Variants in TTC23 observed in about 807,000 individuals in gnomAD.
TTC23 encodes tetratricopeptide repeat protein 23.
Under a neutral mutation model 55.1 loss-of-function variants are expected in TTC23, and 58 were observed. That is an observed-to-expected ratio of 1.05 (90% CI 0.85 to 1.31). The LOEUF is 1.31. Among genes scored for constraint, TTC23 ranks in the 50% most tolerant of loss-of-function variants. The pLI is 0.00. For synonymous variants in TTC23, 203 were observed against 199.9 expected (o/e 1.02, Z -0.13); for missense variants, 516 against 534.4 (o/e 0.97, Z 0.34).
chr15:99,197,908 A>C (rs1402882896), intron 9 of TTC23, among the ~76,000 whole-genome samples: 2 of 151,604 alleles, frequency 1.3e-5, no homozygotes, highest in Admixed American at 6.6e-5. Flanking sequence ...GCTCAAACAA[A>C]AAAAAAAAAG....
chr15:99,182,812 A>G (rs2151948445), intron 9 of TTC23, among the ~76,000 whole-genome samples: 1 of 145,924 alleles, frequency 6.9e-6, no homozygotes, highest in African/African-American at 2.5e-5. Flanking sequence ...ATTTTTTAAA[A>G]AAAGTAGTTA....
chr15:99,178,371 G>T (rs192834730), intron 9 of TTC23, among the ~76,000 whole-genome samples: 3 of 152,078 alleles, frequency 2.0e-5, no homozygotes, highest in Non-Finnish European at 4.4e-5. Flanking sequence ...TAAACCATAT[G>T]CTAGAGGGAA....
At chr15:99,148,609 C>A (rs1383440502) in intron 12 of TTC23, 1 of 152,116 alleles carries the variant, frequency 6.6e-6, no homozygotes, top group Non-Finnish European at 1.5e-5. Flanking sequence ...CAGATGATGA[C>A]TGGACCCAAA....
intron 9 of TTC23, among the ~76,000 whole-genome samples, chr15:99,196,848 C>T (rs527365654): frequency 6.6e-6 from 1 of 152,322 alleles, no homozygotes; most frequent in South Asian, 2.1e-4. Context: ...AGCTCAAATT[C>T]CTTAAGATGA....
At chr15:99,164,071 T>C (rs1426209000) in intron 10 of TTC23, among the ~76,000 whole-genome samples, 1 of 152,216 alleles carries the variant, frequency 6.6e-6, no homozygotes, top group African/African-American at 2.4e-5. Flanking sequence ...ATATATGTAG[T>C]CTGAATGTGT....
chr15:99,172,061 A>C (rs1046817323), intron 10 of TTC23, among the ~76,000 whole-genome samples: 1 of 149,894 alleles, frequency 6.7e-6, no homozygotes, highest in African/African-American at 2.5e-5. Flanking sequence ...TGTGTTGCCC[A>C]GGCTGGAGTG....
At chr15:99,210,964 A>T (rs2076990935) in intron 8 of TTC23, among the ~76,000 whole-genome samples, 2 of 152,186 alleles carry the variant, frequency 1.3e-5, no homozygotes, top group Non-Finnish European at 2.9e-5. Context: ...TTAAGGGAGA[A>T]ATCTTCCCCA....
chr15:99,195,579 G>A (rs2075625590), intron 9 of TTC23, among the ~76,000 whole-genome samples: 1 of 152,176 alleles, frequency 6.6e-6, no homozygotes, highest in South Asian at 2.1e-4. Flanking sequence ...TAGGGGGAAG[G>A]AGAGATGAAT....
At chr15:99,141,201 T>C (rs912638073) in intron 12 of TTC23, among the ~76,000 whole-genome samples, 9 of 152,224 alleles carry the variant, frequency 5.9e-5, no homozygotes, top group African/African-American at 1.7e-4. Flanking sequence ...TAAACTGTGA[T>C]ATGTATATAT....
In TTC23 at chr15:99,241,374, C is replaced by G. The variant is rs557904022; in HGVS notation, c.-123G>C. On this transcript the variant is annotated 5_prime_UTR_variant, in exon 3 of 14. The change abolishes an upstream ATG in the 5' untranslated region. Transcript: ENST00000394132. ...TTCTCAGTTCACTTACTTTGAGTTA[C>G]ATGCTTATCATCAGCCACTTTTCTT... 1 of 152,628 alleles carries G rather than the reference C, an allele frequency of 6.6e-6. No homozygotes were observed. Among genetic ancestry groups the G allele is most frequent in the South Asian group, 2.1e-4 (1 of 4,846 alleles). The allele number at this position is 152,628 out of a possible 1,614,324, so 9.5% of individuals were successfully genotyped here.
chr15:99,151,407 G>A (rs535093055), intron 12 of TTC23: 2 of 152,226 alleles, frequency 1.3e-5, no homozygotes, highest in Admixed American at 1.3e-4. Context: ...AAAAGGCACA[G>A]GGACAGAAAG....
At chr15:99,211,266 T>G (rs955961508) in intron 8 of TTC23, among the ~76,000 whole-genome samples, 2 of 152,076 alleles carry the variant, frequency 1.3e-5, no homozygotes, top group East Asian at 3.9e-4. Flanking sequence ...TCCCAGCTAC[T>G]TGGGAGGCTG....
rs1239655165 is a variant in TTC23 at position 99,218,689 on chromosome 15, C to T, written c.480G>A (p.Leu160=). 9.3e-6 allele frequency: 15 copies of T among 1,614,132 alleles called. No individual in the cohort carries two copies. The highest frequency in any genetic ancestry group is 1.3e-5 in the Non-Finnish European group (15 of 1,180,030). Residue 160 remains leucine, a synonymous_variant, in exon 8 of 14, where the codon TTG becomes TTA. Coordinates refer to ENST00000394132, the MANE Select transcript of TTC23 (RefSeq NM_001288615.3). ...CCTTTGAAAGTCTCTCTGCTTTTGT[C>T]AAATTCTCTGCAGCTTCCTTAAATC... ...LQKFKEAAEN[L]TKAERLSKEL...
chr15:99,245,179 A>G (rs554885686), intron 2 of TTC23, among the ~76,000 whole-genome samples: 3 of 152,304 alleles, frequency 2.0e-5, no homozygotes, highest in Admixed American at 6.5e-5. Context: ...GCTGGGGAAA[A>G]GCCCTCCCCA....
At chr15:99,152,573 T>C (rs897080794) in intron 12 of TTC23, among the ~76,000 whole-genome samples, 7 of 152,106 alleles carry the variant, frequency 4.6e-5, no homozygotes, top group Non-Finnish European at 1.0e-4. Context: ...GGTTTCGCCA[T>C]GTTGGCCAGG....
At chr15:99,154,468 G>T (rs2070275723) in intron 12 of TTC23, among the ~76,000 whole-genome samples, 1 of 152,100 alleles carries the variant, frequency 6.6e-6, no homozygotes, top group Non-Finnish European at 1.5e-5. Flanking sequence ...TCTTGGGAGT[G>T]GTTTGGTTAT....
intron 8 of TTC23, among the ~76,000 whole-genome samples, chr15:99,209,567 C>T (rs1596690502): frequency 6.6e-6 from 1 of 152,204 alleles, no homozygotes; most frequent in Admixed American, 6.5e-5. Flanking sequence ...CTGGAAGTGA[C>T]CTCACTTCTC....
intron 11 of TTC23, 117 bp from the exon 12 acceptor site, chr15:99,156,414 C>T: frequency 4.1e-6 from 5 of 1,205,898 alleles, no homozygotes; most frequent in Non-Finnish European, 5.8e-6. Flanking sequence ...GCCTGTTCTC[C>T]TCTTGTATTA....
At chr15:99,183,493 TTG>T (rs2074356234) in intron 9 of TTC23, among the ~76,000 whole-genome samples, 2 of 133,488 alleles carry the variant, frequency 1.5e-5, no homozygotes, top group South Asian at 4.5e-4. Flanking sequence ...AGCTGATTTT[TTG>T]TATTTTTTTT....
Sources: allele counts gnomAD v4.1 joint callset (sites outside exome capture counted in the v4.1 genomes callset), GRCh38; gene constraint gnomAD v4.1.1; transcripts MANE v1.5; gene names NCBI Gene and HGNC (gene_info 2026-07-23, HGNC 2026-07-21).